The following RYR3 variants were observed in gnomAD, a reference collection of about 807,000 sequenced individuals.
RYR3 encodes brain ryanodine receptor-calcium release channel.
A neutral mutation model predicts 584.3 loss-of-function variants in RYR3; 207 were observed. The observed-to-expected ratio is 0.35, with a 90% CI of 0.32 to 0.40. The LOEUF (loss-of-function observed/expected upper bound fraction) is 0.40. Among genes scored for constraint, RYR3 ranks in the 10% least tolerant of loss-of-function variants. The probability of loss-of-function intolerance (pLI) is 1.00; values close to 1 mark genes in which losing one functional copy is unlikely to be tolerated. For missense variants in RYR3, 5,616 were observed against 6,089.2 expected (o/e 0.92, Z 2.59); for synonymous variants, 2,416 against 2,248.5 (o/e 1.07, Z -2.11).
At chr15:33,768,571 C>T (rs2073300968) in intron 60 of RYR3, 87 bp from the exon 61 acceptor site, 2 of 1,132,052 alleles carry the variant, frequency 1.8e-6, no homozygotes, top group South Asian at 1.2e-5. Context: ...CTCTGTTTCA[C>T]AGTGTAAGGG....
At chr15:33,449,029 G>T (rs924547894) in intron 1 of RYR3, among the ~76,000 whole-genome samples, 39 of 152,324 alleles carry the variant, frequency 2.6e-4, no homozygotes, top group African/African-American at 8.7e-4. Context: ...AAAACTTGTG[G>T]CAGAGAGAGT....
At chr15:33,582,218 G>T (rs924763127) in intron 14 of RYR3, among the ~76,000 whole-genome samples, 1 of 152,282 alleles carries the variant, frequency 6.6e-6, no homozygotes, top group Middle Eastern at 3.4e-3. Context: ...CCCGCCTATG[G>T]GTGGGAGGCA....
chr15:33,669,957 G>A (rs80100418), intron 37 of RYR3, among the ~76,000 whole-genome samples: 6,674 of 149,618 alleles, frequency 0.045, 217 homozygotes, highest in Middle Eastern at 0.072. Flanking sequence ...ACTTGGATAC[G>A]TACCTACTGG....
intron 18 of RYR3, 46 bp from the exon 19 acceptor site, chr15:33,613,137 G>A (rs936335811): frequency 1.3e-6 from 2 of 1,486,560 alleles, no homozygotes; most frequent in African/African-American, 2.8e-5. Flanking sequence ...AGCCTAGCAG[G>A]TGCCTCCAGA....
intron 12 of RYR3, 127 bp downstream of exon 12, chr15:33,566,926 C>A: frequency 9.3e-7 from 1 of 1,073,588 alleles, no homozygotes; most frequent in Non-Finnish European, 1.4e-6. Flanking sequence ...AAGAGTTTTA[C>A]CATCAAGAGC....
At chr15:33,485,992 A>G (rs374302709) in intron 2 of RYR3, among the ~76,000 whole-genome samples, 2 of 152,108 alleles carry the variant, frequency 1.3e-5, no homozygotes, top group Admixed American at 6.6e-5. Context: ...AGATGAGTAC[A>G]TGGTTAGACA....
chr15:33,829,247 A>G (rs1196559114), intron 85 of RYR3, among the ~76,000 whole-genome samples: 3 of 152,216 alleles, frequency 2.0e-5, no homozygotes, highest in Non-Finnish European at 4.4e-5. Flanking sequence ...GGAGATATAC[A>G]AGGAAATGAA....
At chr15:33,632,565 T>C (rs1307524140) in intron 23 of RYR3, among the ~76,000 whole-genome samples, 2 of 152,266 alleles carry the variant, frequency 1.3e-5, no homozygotes, top group African/African-American at 2.4e-5. Flanking sequence ...ACTCAAGGTC[T>C]TGTTCTTGCC....
chr15:33,788,508 T>G (rs766634240), intron 67 of RYR3, 50 bp downstream of exon 67: 1 of 1,594,658 alleles, frequency 6.3e-7, no homozygotes, highest in South Asian at 1.1e-5. Context: ...GGGGCTAGTT[T>G]AGGCAACAGA....
intron 77 of RYR3, 100 bp downstream of exon 77, chr15:33,819,907 T>G: frequency 1.1e-6 from 1 of 874,412 alleles, no homozygotes; most frequent in Admixed American, 2.0e-5. Flanking sequence ...GGCCTGGGAC[T>G]TTGTCATGAC....
intron 19 of RYR3, among the ~76,000 whole-genome samples, chr15:33,619,349 TG>T (rs2060603930): frequency 6.6e-6 from 1 of 152,204 alleles, no homozygotes. Flanking sequence ...TTTAACATTT[TG>T]GGGATGCTGG....
intron 27 of RYR3, among the ~76,000 whole-genome samples, chr15:33,643,302 C>G (rs2061933115): frequency 6.6e-6 from 1 of 152,208 alleles, no homozygotes; most frequent in Admixed American, 6.5e-5. Flanking sequence ...CTGCCTGCCT[C>G]TCACATCCTC....
intron 47 of RYR3, among the ~76,000 whole-genome samples, chr15:33,730,051 G>T (rs2068811080): frequency 1.3e-5 from 2 of 151,470 alleles, no homozygotes; most frequent in African/African-American, 2.4e-5. Context: ...GAATAACCCA[G>T]TCTAACCCAA....
chr15:33,786,731 T>A (rs1336142055), intron 66 of RYR3, among the ~76,000 whole-genome samples: 4 of 152,064 alleles, frequency 2.6e-5, no homozygotes, highest in Admixed American at 2.6e-4. Flanking sequence ...GGTAGTGGAG[T>A]CCACCAGTAA....
Position 33,628,456 on chromosome 15 carries a change from C to T in RYR3, c.2575-15C>T. The T allele has an allele frequency of 6.5e-7, 1 of 1,547,968 alleles. No homozygotes were observed. Among genetic ancestry groups the T allele is most frequent in the Non-Finnish European group, 8.9e-7 (1 of 1,120,154 alleles). ...CAAAACAATCGATTCTTTTCACTTG[C>T]TCCTTTTCCTTTAGGTTATTTTGCC... On this transcript the variant is annotated splice_polypyrimidine_tract_variant and intron_variant, in intron 20 of 103. Coordinates refer to ENST00000634891, the MANE Select transcript of RYR3 (RefSeq NM_001036.6).
intron 17 of RYR3, among the ~76,000 whole-genome samples, chr15:33,601,812 C>G (rs1266411810): frequency 6.6e-6 from 1 of 152,176 alleles, no homozygotes; most frequent in African/African-American, 2.4e-5. Context: ...AGAATTTGAC[C>G]TGAGGTGGCC....
intron 1 of RYR3, among the ~76,000 whole-genome samples, chr15:33,458,565 C>G (rs1285625684): frequency 6.6e-6 from 1 of 152,208 alleles, no homozygotes; most frequent in Non-Finnish European, 1.5e-5. Context: ...AGAACCATGA[C>G]TAATACAGCT....
chr15:33,829,081 T>C (rs556688123), intron 85 of RYR3, among the ~76,000 whole-genome samples: 4 of 152,098 alleles, frequency 2.6e-5, no homozygotes, highest in East Asian at 1.9e-4. Flanking sequence ...CTGCCCATGC[T>C]CTATGTATGG....
intron 38 of RYR3, among the ~76,000 whole-genome samples, chr15:33,692,102 T>C (rs1180513319): frequency 1.3e-5 from 2 of 152,362 alleles, no homozygotes; most frequent in East Asian, 3.9e-4. Context: ...TCCATGGTTA[T>C]ATGCATTAAT....
Sources: allele counts gnomAD v4.1 joint callset (sites outside exome capture counted in the v4.1 genomes callset), GRCh38; gene constraint gnomAD v4.1.1; transcripts MANE v1.5; gene names NCBI Gene and HGNC (gene_info 2026-07-23, HGNC 2026-07-21).